STK3: variants seen among roughly 807,000 people sequenced by gnomAD.
STK3 encodes serine/threonine kinase 3.
In STK3, 41 loss-of-function variants were observed where a neutral mutation model predicts 58.0. The observed-to-expected ratio is 0.71, with a 90% CI of 0.55 to 0.92. The LOEUF is 0.92. STK3 is among the 40% of genes least tolerant of loss of function. The pLI, the probability that STK3 is intolerant of heterozygous loss-of-function variation, is 0.00. For missense variants in STK3, 479 were observed against 602.7 expected, an observed-to-expected ratio of 0.79 and a Z score of 2.15; for synonymous variants, 170 against 191.0, an observed-to-expected ratio of 0.89 and a Z score of 0.91.
At chr8:98,788,214 C>T (rs1284433650) in intron 1 of STK3, among the ~76,000 whole-genome samples, 2 of 151,922 alleles carry the variant, frequency 1.3e-5, no homozygotes, top group Non-Finnish European at 2.9e-5. Context: ...CCGAGGCAGG[C>T]AGATCACAAG....
intron 2 of STK3, among the ~76,000 whole-genome samples, chr8:98,770,945 ATAAT>A (rs959280442): frequency 6.6e-6 from 1 of 152,208 alleles, no homozygotes; most frequent in African/African-American, 2.4e-5. Context: ...AAAAAAAACT[ATAAT>A]TAACTGTCCT....
upstream of STK3, among the ~76,000 whole-genome samples, chr8:98,389,372 T>C (rs528714762): frequency 5.3e-5 from 8 of 152,344 alleles, no homozygotes; most frequent in South Asian, 1.7e-3. Context: ...GGACTCTCTG[T>C]TCTTTATCAA....
At position 98,442,460 on chromosome 8, in the gene STK3, T is replaced by C. The variant is rs145668366; in HGVS notation, n.186-5252A>G. Among the ~76,000 whole-genome samples, 547 of 152,370 alleles carry C rather than the reference T, an allele frequency of 3.6e-3. 2 individuals carry two copies. Among genetic ancestry groups the C allele is most frequent in the Non-Finnish European group, 5.8e-3 (393 of 68,036 alleles). ...GCACCAATGGCACTTCCAGAAATGC[T>C]AGATAAAACCACCAAGGTGCGTTAT... On this transcript the variant is annotated intron_variant and non_coding_transcript_variant, in intron 1 of 3. Coordinates refer to the STK3 transcript ENST00000517832.
Position 98,596,124 on chromosome 8 carries a change from G to A in STK3, c.730C>T (p.Pro244Ser). 6.2e-7 allele frequency: 1 copy of A among 1,613,096 alleles called. No individual in the cohort carries two copies. The highest frequency in any genetic ancestry group is 1.1e-5 in the South Asian group (1 of 90,836). ...GTGAAATCATCGGACCAAAGTTCTG[G>A]CTTTCTGAATGTTGGTGGTGGATTT... is the stretch of plus-strand genomic sequence containing the variant. ...PTNPPPTFRK[P>S]ELWSDDFTDF... is the part of the protein sequence containing the mutation. Residue 244 changes from proline (P) to serine (S), a missense_variant, in exon 7 of 11, where the codon CCA becomes TCA. Physicochemically the swap from Pro to Ser is moderately conservative, Grantham distance 74 (BLOSUM62 -1). This residue lies in a region of STK3 where 309 missense variants were observed against 355.7 expected (regional missense o/e 0.87). Coordinates refer to ENST00000419617, the MANE Select transcript of STK3 (RefSeq NM_006281.4).
chr8:98,847,168 G>A (rs1378071764), intron 3 of STK3, among the ~76,000 whole-genome samples: 2 of 152,200 alleles, frequency 1.3e-5, no homozygotes, highest in African/African-American at 4.8e-5. Flanking sequence ...GTTTGAGGTT[G>A]CAGCACGCTA....
chr8:98,859,246 C>A (rs538295418), intron 3 of STK3, among the ~76,000 whole-genome samples: 2 of 151,648 alleles, frequency 1.3e-5, no homozygotes, highest in Non-Finnish European at 2.9e-5. Flanking sequence ...CCTGAGGAAG[C>A]AATTCTGGGT....
intron 6 of STK3, among the ~76,000 whole-genome samples, chr8:98,652,860 T>G (rs1409415863): frequency 1.3e-5 from 2 of 151,766 alleles, no homozygotes; most frequent in African/African-American, 4.8e-5. Context: ...CAAAGAGACT[T>G]AGACTCCCAC....
chr8:98,652,732 A>T (rs1204175509), intron 6 of STK3, among the ~76,000 whole-genome samples: 1 of 150,010 alleles, frequency 6.7e-6, no homozygotes, highest in Non-Finnish European at 1.5e-5. Flanking sequence ...AAAGAGACAA[A>T]GAAGGCCATT....
At chr8:98,825,317 T>G (rs1416473581) in intron 1 of STK3, among the ~76,000 whole-genome samples, 198 bp downstream of exon 1, 1 of 151,900 alleles carries the variant, frequency 6.6e-6, no homozygotes, top group Non-Finnish European at 1.5e-5. Flanking sequence ...CAGGGGAGGC[T>G]CCGGCTCCCG....
intron 6 of STK3, among the ~76,000 whole-genome samples, chr8:98,696,351 C>T (rs1468831514): frequency 2.6e-5 from 4 of 151,492 alleles, no homozygotes; most frequent in African/African-American, 9.7e-5. Context: ...CCTTTATTTC[C>T]TTCTCCTGCC....
intron 6 of STK3, among the ~76,000 whole-genome samples, chr8:98,649,934 A>T (rs1820745683): frequency 6.6e-6 from 1 of 152,174 alleles, no homozygotes; most frequent in South Asian, 2.1e-4. Context: ...TTCTTCCTAC[A>T]GAAGTGTACT....
chr8:98,798,195 T>C (rs1382794035), intron 1 of STK3, among the ~76,000 whole-genome samples: 1 of 152,162 alleles, frequency 6.6e-6, no homozygotes, highest in African/African-American at 2.4e-5. Context: ...AGTAAAAAGT[T>C]TGCTTCAAGG....
At chr8:98,358,106 G>C in the STK3 span, among the ~76,000 whole-genome samples, 1 of 152,150 alleles carries the variant, frequency 6.6e-6, no homozygotes, top group African/African-American at 2.4e-5. Context: ...CTCCAAAAAG[G>C]ATTTTTCGCC....
At chr8:98,432,978 C>G (rs1273898947) in intron 3 of STK3, 1 of 152,842 alleles carries the variant, frequency 6.5e-6, no homozygotes, top group African/African-American at 2.4e-5. Context: ...ATTTGCATCT[C>G]TTGGAGGCAT....
chr8:98,772,596 G>C (rs1158017952), intron 2 of STK3, among the ~76,000 whole-genome samples: 1 of 152,132 alleles, frequency 6.6e-6, no homozygotes, highest in East Asian at 1.9e-4. Context: ...CTACTCGGGA[G>C]GTTGAGGCAA....
chr8:98,786,935 C>T (rs551209928), intron 1 of STK3, among the ~76,000 whole-genome samples: 123 of 152,140 alleles, frequency 8.1e-4, no homozygotes, highest in African/African-American at 2.9e-3. Context: ...CTTTGAGAGG[C>T]CAAGACGGGC....
At chr8:98,932,034 G>T (rs1191613756) in intron 1 of STK3, among the ~76,000 whole-genome samples, 1 of 152,300 alleles carries the variant, frequency 6.6e-6, no homozygotes, top group East Asian at 1.9e-4. Context: ...TCAACGAAAT[G>T]CCTGGATCCC....
chr8:98,487,779 G>A (rs1282514814), intron 10 of STK3, among the ~76,000 whole-genome samples: 3 of 152,158 alleles, frequency 2.0e-5, no homozygotes, highest in Non-Finnish European at 4.4e-5. Context: ...CCCCACTCTA[G>A]TAGGCACTCA....
At chr8:98,456,052 C>A (rs1819467036) in intron 10 of STK3, 52 bp from the exon 11 acceptor site, 2 of 1,491,512 alleles carry the variant, frequency 1.3e-6, no homozygotes, top group East Asian at 2.4e-5. Flanking sequence ...ACATTATCCA[C>A]AATCAATACA....
Sources: allele counts gnomAD v4.1 joint callset (sites outside exome capture counted in the v4.1 genomes callset), GRCh38; gene constraint gnomAD v4.1.1; regional missense constraint gnomAD v4.1.1; transcripts MANE v1.5; gene names NCBI Gene and HGNC (gene_info 2026-07-23, HGNC 2026-07-21).